ADAMTS18: variants seen among roughly 807,000 people sequenced by gnomAD.
ADAMTS18 encodes A disintegrin and metalloproteinase with thrombospondin motifs 18.
A neutral mutation model predicts 165.9 loss-of-function variants in ADAMTS18; 157 were observed. The ratio of observed to expected loss-of-function variants is 0.95; its 90% CI spans 0.83 to 1.08. The LOEUF is 1.08. ADAMTS18 is among the 50% of genes least tolerant of loss of function. ADAMTS18 has a pLI of 0.00. For synonymous variants in ADAMTS18, 782 were observed against 578.2 expected (o/e 1.35, Z -5.06); for missense variants, 2,040 against 1,534.0 (o/e 1.33, Z -5.51).
intron 6 of ADAMTS18, among the ~76,000 whole-genome samples, chr16:77,363,097 G>T (rs1286839337): frequency 6.6e-6 from 1 of 152,028 alleles, no homozygotes; most frequent in Non-Finnish European, 1.5e-5. Flanking sequence ...AAGCCTCGGG[G>T]GACTTAAAAA....
Position 77,434,712 on chromosome 16 carries a change from G to C in ADAMTS18, c.-17C>G. ...GCACTCCATGGTCAGGTGCGGACGC[G>C]GCGGCTGCGGGTGGCCAGACGCGGC... On this transcript the variant is annotated 5_prime_UTR_variant, in exon 1 of 23. Transcript: ENST00000282849. 1.4e-6 allele frequency: 2 copies of C among 1,430,502 alleles called. No homozygotes were observed. The highest frequency in any genetic ancestry group is 1.8e-6 in the Non-Finnish European group (2 of 1,093,974). 88.6% of individuals were successfully genotyped at this position (1,430,502 alleles called of 1,614,324 possible).
chr16:77,294,526 T>A (rs2055428430), intron 19 of ADAMTS18, among the ~76,000 whole-genome samples: 1 of 152,216 alleles, frequency 6.6e-6, no homozygotes, highest in Non-Finnish European at 1.5e-5. Flanking sequence ...CTTTTCTCTG[T>A]ATTCTTCTAA....
intron 3 of ADAMTS18, among the ~76,000 whole-genome samples, chr16:77,397,392 T>A (rs765524731): frequency 1.2e-4 from 19 of 152,232 alleles, no homozygotes; most frequent in African/African-American, 4.6e-4. Flanking sequence ...CTATAATTAA[T>A]ATAACTTTTC....
At chr16:77,403,204 ATAAT>A (rs2057353169) in intron 3 of ADAMTS18, among the ~76,000 whole-genome samples, 1 of 152,214 alleles carries the variant, frequency 6.6e-6, no homozygotes, top group Non-Finnish European at 1.5e-5. Context: ...GGGAAAGAAA[ATAAT>A]TAATTATTAA....
intron 16 of ADAMTS18, among the ~76,000 whole-genome samples, chr16:77,309,498 A>T (rs1054785009): frequency 6.6e-6 from 1 of 152,162 alleles, no homozygotes; most frequent in Non-Finnish European, 1.5e-5. Context: ...CAAGGACCCA[A>T]GGAGAATGGA....
chr16:77,391,477 G>A (rs528690412), intron 3 of ADAMTS18, among the ~76,000 whole-genome samples: 111 of 146,484 alleles, frequency 7.6e-4, no homozygotes, highest in Non-Finnish European at 1.3e-3. Flanking sequence ...GGGCAACAGC[G>A]CAAGACTCAG....
chr16:77,303,923 G>A (rs1053423234), intron 16 of ADAMTS18, among the ~76,000 whole-genome samples: 5 of 152,112 alleles, frequency 3.3e-5, no homozygotes, highest in Non-Finnish European at 5.9e-5. Context: ...CCACCTACTC[G>A]GGAGGCTGAG....
At chr16:77,359,262 C>A in intron 8 of ADAMTS18, 56 bp downstream of exon 8, 1 of 1,441,836 alleles carries the variant, frequency 6.9e-7, no homozygotes, top group Non-Finnish European at 9.7e-7. Flanking sequence ...TAGAGGAACA[C>A]CAATGAATCA....
At position 77,434,840 on chromosome 16, in the gene ADAMTS18, G is replaced by T; in HGVS notation, c.-145C>A. On this transcript the variant is annotated 5_prime_UTR_variant, in exon 1 of 23. Transcript: ENST00000282849. ...CCGCCGCCGTTCACATCGCAGCGGG[G>T]GCGCGCTGGGACCTCCCCTCCTCCG... 1.6e-6 allele frequency: 1 copy of T among 619,346 alleles called. No homozygotes were observed. Among genetic ancestry groups the T allele is most frequent in the Non-Finnish European group, 2.4e-6 (1 of 423,880 alleles). The allele number at this position is 619,346 out of a possible 1,614,324, so 38.4% of individuals were successfully genotyped here. A position where few individuals can be genotyped will look rare whatever the true frequency, so the allele number is the denominator to read the frequency against.
At chr16:77,352,195 T>G (rs1276730344) in intron 10 of ADAMTS18, among the ~76,000 whole-genome samples, 1 of 152,188 alleles carries the variant, frequency 6.6e-6, no homozygotes, top group Non-Finnish European at 1.5e-5. Context: ...CTCAAACCTA[T>G]GATTTGATGA....
At chr16:77,328,504 C>A (rs76767993) in intron 12 of ADAMTS18, among the ~76,000 whole-genome samples, 13,234 of 152,184 alleles carry the variant, frequency 0.087, 786 homozygotes, top group East Asian at 0.27. Context: ...GGAAATGTCA[C>A]GCGGCCAGAA....
At chr16:77,300,077 G>A (rs1022598952) in intron 17 of ADAMTS18, 186 bp downstream of exon 17, 15 of 643,714 alleles carry the variant, frequency 2.3e-5, no homozygotes, top group African/African-American at 1.8e-4. Context: ...CTTTGTGAGA[G>A]TTGATTCCTT....
intron 16 of ADAMTS18, among the ~76,000 whole-genome samples, chr16:77,302,004 CTTTTTT>C (rs4038557): frequency 1.6e-5 from 2 of 128,810 alleles, no homozygotes; most frequent in Non-Finnish European, 1.6e-5. Flanking sequence ...CTAGTCTTTG[CTTTTTT>C]TTTTTTTTTT....
At position 77,434,959 on chromosome 16, in the gene ADAMTS18, T is replaced by A. The variant is rs1293538449; in HGVS notation, c.-264A>T. On this transcript the variant is annotated 5_prime_UTR_variant, in exon 1 of 23. Transcript: ENST00000282849. ...TACGGGGGGCTCCCTGGGCCGGGAC[T>A]GGAGCGCAAACGGTTGGGAGACTGT... 1 of 333,160 alleles carries A rather than the reference T, an allele frequency of 3.0e-6. No homozygotes were observed. Among genetic ancestry groups the A allele is most frequent in the South Asian group, 1.1e-4 (1 of 9,442 alleles). 20.6% of individuals were successfully genotyped at this position (333,160 alleles called of 1,614,324 possible).
chr16:77,416,821 T>C (rs1167933221), intron 3 of ADAMTS18, among the ~76,000 whole-genome samples: 1 of 151,684 alleles, frequency 6.6e-6, no homozygotes, highest in Non-Finnish European at 1.5e-5. Flanking sequence ...GATGAAAGAG[T>C]CATTAGAGAA....
At chr16:77,388,218 G>C (rs1295761432) in intron 3 of ADAMTS18, among the ~76,000 whole-genome samples, 2 of 152,310 alleles carry the variant, frequency 1.3e-5, no homozygotes, top group East Asian at 3.9e-4. Context: ...TACTGCCTCA[G>C]CCTCCTGAGT....
At chr16:77,383,311 A>G (rs2057058792) in intron 3 of ADAMTS18, among the ~76,000 whole-genome samples, 1 of 151,980 alleles carries the variant, frequency 6.6e-6, no homozygotes, top group African/African-American at 2.4e-5. Context: ...GGATTTCAAG[A>G]CACTTTGCAG....
In ADAMTS18 at chr16:77,434,656, C is replaced by T. The variant is rs926207818; in HGVS notation, c.40G>A (p.Ala14Thr). The T allele has an allele frequency of 2.2e-5, 33 of 1,479,884 alleles. No individual in the cohort carries two copies. The highest frequency in any genetic ancestry group is 4.4e-5 in the African/African-American group (3 of 68,242). The allele number at this position is 1,479,884 out of a possible 1,614,324, so 91.7% of individuals were successfully genotyped here. A position where few individuals can be genotyped will look rare whatever the true frequency, so the allele number is the denominator to read the frequency against. Residue 14 changes from alanine (A) to threonine (T), a missense_variant, in exon 1 of 23, where the codon GCG becomes ACG. By Grantham distance (58) the Ala-to-Thr change is moderately conservative. Coordinates refer to ENST00000282849, the MANE Select transcript of ADAMTS18 (RefSeq NM_199355.4). ...ALLLACAFPA[A>T]GSGPPRGLAG... ...AGGCCCCTCGGCGGGCCCGAACCCGCAGCCGGGAAGGCACACGCGAGCAGG... is the reference window on the plus strand; with the variant it reads ...AGGCCCCTCGGCGGGCCCGAACCCGTAGCCGGGAAGGCACACGCGAGCAGG...
At chr16:77,329,096 G>C (rs1170457673) in intron 12 of ADAMTS18, among the ~76,000 whole-genome samples, 1 of 151,828 alleles carries the variant, frequency 6.6e-6, no homozygotes, top group East Asian at 1.9e-4. Flanking sequence ...CAATGAGGGA[G>C]ATTCTCTCTT....
Sources: gnomAD v4.1 joint callset for allele counts (sites outside exome capture counted in the v4.1 genomes callset) on GRCh38, gnomAD v4.1.1 for gene constraint, MANE v1.5 for transcripts, NCBI Gene and HGNC (gene_info 2026-07-23, HGNC 2026-07-21) for gene names.